SYNE1: variants seen among roughly 807,000 people sequenced by gnomAD.
SYNE1 encodes spectrin repeat containing nuclear envelope protein 1, also known as nesprin-1.
SYNE1 carries 616 observed loss-of-function variants against 1,111.0 expected under a neutral mutation model. The observed-to-expected ratio is 0.55, with a 90% CI of 0.52 to 0.59. The LOEUF (loss-of-function observed/expected upper bound fraction) is 0.59. SYNE1 is among the 20% of genes least tolerant of loss of function. SYNE1 has a pLI of 0.00. For missense variants in SYNE1, 10,006 were observed against 10,417.0 expected (o/e 0.96, Z 1.72); for synonymous variants, 3,855 against 3,825.8 (o/e 1.01, Z -0.28).
In SYNE1 at chr6:152,373,217, C is replaced by A; in HGVS notation, c.9327G>T (p.Glu3109Asp). The change falls in exon 59 of 146, where the codon GAG becomes GAT. Residue 3109 changes from glutamate to aspartate, a missense_variant and splice_region_variant. Glu to Asp is a conservative substitution (Grantham distance 45). Transcript: ENST00000367255. Reference protein sequence around the residue: ...EVSTSLQKIQEFLSESENGQH... With the variant: ...EVSTSLQKIQDFLSESENGQH... ...GTCCATTTTCACTTTCTGACAAAAACTCCTATAAAAGAAAATATAGAATTA... is the reference window on the plus strand; with the variant it reads ...GTCCATTTTCACTTTCTGACAAAAAATCCTATAAAAGAAAATATAGAATTA... 1 of 1,610,038 alleles carries A rather than the reference C, an allele frequency of 6.2e-7. No homozygotes were observed. The highest frequency in any genetic ancestry group is 2.2e-5 in the East Asian group (1 of 44,860).
chr6:152,543,852 G>T (rs2099289091), intron 3 of SYNE1, among the ~76,000 whole-genome samples: 1 of 152,206 alleles, frequency 6.6e-6, no homozygotes, highest in African/African-American at 2.4e-5. Flanking sequence ...TGCTGTACAA[G>T]TTTGTAGCCT....
intron 6 of SYNE1, among the ~76,000 whole-genome samples, chr6:152,518,590 C>T (rs1277522193): frequency 6.6e-6 from 1 of 152,074 alleles, no homozygotes; most frequent in African/African-American, 2.4e-5. Flanking sequence ...AATTAAACCT[C>T]ATTTCTTTAT....
At position 152,289,698 on chromosome 6, in the gene SYNE1, T is replaced by C. The variant is rs769837784; in HGVS notation, c.18012+3890A>G. On this transcript the variant is annotated intron_variant, in intron 95 of 145. Transcript: ENST00000367255. ...CTGGAGTGCGGTGGCGCAATCTCGG[T>C]TCACTGCAAGCTCCGCCTCCCAGGT... 5.6e-4 allele frequency among the ~76,000 whole-genome samples: 85 copies of C among 152,060 alleles called. 1 individual carries two copies. The highest frequency in any genetic ancestry group is 8.5e-4 in the Non-Finnish European group (58 of 67,964).
At chr6:152,369,857 C>T (rs565415677) in intron 59 of SYNE1, among the ~76,000 whole-genome samples, 18 of 151,980 alleles carry the variant, frequency 1.2e-4, no homozygotes, top group African/African-American at 4.1e-4. Context: ...GTGGGATGTG[C>T]CTGTAATCTC....
At chr6:152,538,445 A>G (rs866836768) in intron 4 of SYNE1, among the ~76,000 whole-genome samples, 19 of 152,084 alleles carry the variant, frequency 1.2e-4, no homozygotes, top group Admixed American at 2.6e-4. Flanking sequence ...ATCCTATAAA[A>G]CCACTTATAT....
intron 3 of SYNE1, among the ~76,000 whole-genome samples, chr6:152,544,081 T>C (rs1401287449): frequency 6.6e-6 from 1 of 152,218 alleles, no homozygotes; most frequent in African/African-American, 2.4e-5. Flanking sequence ...TTATTAACAA[T>C]GTTTCTGTCC....
At chr6:152,422,727 T>C (rs2098285864) in intron 39 of SYNE1, among the ~76,000 whole-genome samples, 1 of 152,186 alleles carries the variant, frequency 6.6e-6, no homozygotes, top group African/African-American at 2.4e-5. Flanking sequence ...CAGGCTGGTT[T>C]TGAACTCCCA....
chr6:152,593,146 A>G (rs2128539628), intron 3 of SYNE1, among the ~76,000 whole-genome samples: 1 of 152,336 alleles, frequency 6.6e-6, no homozygotes. Context: ...TCCTGTTTAT[A>G]TCAATTAACT....
At chr6:152,496,684 A>C (rs553452381) in intron 11 of SYNE1, among the ~76,000 whole-genome samples, 2 of 151,558 alleles carry the variant, frequency 1.3e-5, no homozygotes, top group South Asian at 4.2e-4. Flanking sequence ...TCCCCCACAA[A>C]TTTTCAATGC....
chr6:152,366,555 T>G (rs951212385), intron 62 of SYNE1, among the ~76,000 whole-genome samples: 17 of 152,122 alleles, frequency 1.1e-4, no homozygotes, highest in Admixed American at 6.5e-5. Context: ...TCACACTTCC[T>G]AAGAAATCTC....
At chr6:152,360,403 A>G (rs930831162) in intron 64 of SYNE1, among the ~76,000 whole-genome samples, 10 of 152,150 alleles carry the variant, frequency 6.6e-5, no homozygotes, top group African/African-American at 2.4e-4. Flanking sequence ...ACTCCTCCCC[A>G]GGCTCATTTC....
chr6:152,423,334 A>C (rs1296720813), intron 39 of SYNE1, among the ~76,000 whole-genome samples: 2 of 152,218 alleles, frequency 1.3e-5, no homozygotes, highest in African/African-American at 4.8e-5. Flanking sequence ...TCCTGTGTAT[A>C]TACATTAAAT....
At position 152,330,245 on chromosome 6, in the gene SYNE1, TCTC is replaced by T; in HGVS notation, c.14437_14439del (p.Glu4813del). 1 of 1,614,156 alleles carries T rather than the reference TCTC, an allele frequency of 6.2e-7. No homozygotes were observed. Among genetic ancestry groups the T allele is most frequent in the Non-Finnish European group, 8.5e-7 (1 of 1,180,038 alleles). On this transcript the variant is annotated inframe_deletion, in exon 78 of 146. Coordinates refer to ENST00000367255, the MANE Select transcript of SYNE1 (RefSeq NM_182961.4). ...GCCAGGGAGTGATACATTTTGAGCTTCTCCTCTGCAGGCAGCGTTTCCTCATTC... is the reference window on the plus strand; with the variant it reads ...GCCAGGGAGTGATACATTTTGAGCTTCTCTGCAGGCAGCGTTTCCTCATTC...
intron 3 of SYNE1, among the ~76,000 whole-genome samples, chr6:152,587,064 T>C (rs1454233070): frequency 1.3e-5 from 2 of 152,182 alleles, no homozygotes; most frequent in Non-Finnish European, 2.9e-5. Context: ...CGCTTATCTT[T>C]AGAGAAGTCC....
At position 152,415,789 on chromosome 6, in the gene SYNE1, T is replaced by TAAAAAAAAAAAAAA. The variant is rs1209590450; in HGVS notation, c.6050+584_6050+597dup. On this transcript the variant is annotated intron_variant, in intron 41 of 145. Transcript: ENST00000367255. ...GTCGTTAATCTTATCTTCAAAGTGGTAAAAAAAAAAAAAAAAAAAAAAAAA... is the reference window on the plus strand; with the variant it reads ...GTCGTTAATCTTATCTTCAAAGTGGTAAAAAAAAAAAAAAAAAAAAAAAAAAAAAAAAAAAAAAA... Among the ~76,000 whole-genome samples, 4 of 73,020 alleles carry TAAAAAAAAAAAAAA rather than the reference T, an allele frequency of 5.5e-5. 1 individual carries two copies. The highest frequency in any genetic ancestry group is 5.8e-5 in the African/African-American group (1 of 17,114). The allele number at this position is 73,020 out of a possible 152,430, so 47.9% of individuals were successfully genotyped here.
rs1373992512 is a variant in SYNE1, at chr6:152,628,558, A to G, written c.-223-4T>C. 8 of 554,188 alleles carry G rather than the reference A, an allele frequency of 1.4e-5. No homozygotes were observed. Among genetic ancestry groups the G allele is most frequent in the Non-Finnish European group, 1.9e-5 (6 of 312,144 alleles). 34.3% of individuals were successfully genotyped at this position (554,188 alleles called of 1,614,324 possible). A position where few individuals can be genotyped will look rare whatever the true frequency, so the allele number is the denominator to read the frequency against. On this transcript the variant is annotated splice_region_variant and splice_polypyrimidine_tract_variant and intron_variant, in intron 2 of 145. Coordinates refer to ENST00000367255, the MANE Select transcript of SYNE1 (RefSeq NM_182961.4). ...CCTCTTACATGAACTCAAGAACCTG[A>G]AAAACAAAAAAGAAAAGGTACAACA...
chr6:152,452,757 TCTGAAGTCAGCCTCCATGGGA>T (rs2098661613), intron 25 of SYNE1, among the ~76,000 whole-genome samples: 1 of 152,192 alleles, frequency 6.6e-6, no homozygotes, highest in Non-Finnish European at 1.5e-5. Flanking sequence ...TGACATGCAG[TCTGAAGTCAGCCTCCATGGGA>T]CAGACTCAGC....
intron 3 of SYNE1, chr6:152,545,894 G>T (rs1297649978): frequency 1.3e-5 from 2 of 151,914 alleles, no homozygotes; most frequent in African/African-American, 4.8e-5. Context: ...ATTATTCCTG[G>T]TAGTATCTAA....
chr6:152,211,347 A>T, intron 124 of SYNE1, 147 bp downstream of exon 124: 1 of 682,512 alleles, frequency 1.5e-6, no homozygotes, highest in South Asian at 1.7e-5. Flanking sequence ...TCAGAGATTG[A>T]GACAAGTTTC....
Sources: allele counts gnomAD v4.1 joint callset (sites outside exome capture counted in the v4.1 genomes callset), GRCh38; gene constraint gnomAD v4.1.1; transcripts MANE v1.5; gene names NCBI Gene and HGNC (gene_info 2026-07-23, HGNC 2026-07-21).